The following RYR2 variants were observed in gnomAD, a reference collection of about 807,000 sequenced individuals.
The protein encoded by RYR2 is ryanodine receptor 2, also known as cardiac muscle ryanodine receptor-calcium release channel.
RYR2 carries 227 observed loss-of-function variants against 601.1 expected under a neutral mutation model. That is an observed-to-expected ratio of 0.38 (90% CI 0.34 to 0.42). RYR2 has a LOEUF of 0.42. Among genes scored for constraint, RYR2 ranks in the 10% least tolerant of loss-of-function variants. The pLI is 1.00. For synonymous variants in RYR2, 2,223 were observed against 2,175.1 expected (o/e 1.02, Z -0.61); for missense variants, 4,646 against 6,156.5 (o/e 0.75, Z 8.21).
At chr1:237,383,339 A>G (rs901217300) in intron 8 of RYR2, among the ~76,000 whole-genome samples, 3 of 151,396 alleles carry the variant, frequency 2.0e-5, no homozygotes, top group Non-Finnish European at 4.4e-5. Flanking sequence ...CTCTTGGATC[A>G]GCAGTCTTGA....
intron 1 of RYR2, among the ~76,000 whole-genome samples, chr1:237,048,766 G>C (rs992051777): frequency 1.4e-4 from 22 of 152,140 alleles, no homozygotes; most frequent in Admixed American, 1.4e-3. Flanking sequence ...ACCGTGTTGG[G>C]CATCGGTTTC....
At chr1:237,512,400 T>C (rs892012529) in intron 24 of RYR2, among the ~76,000 whole-genome samples, 2 of 152,344 alleles carry the variant, frequency 1.3e-5, no homozygotes, top group African/African-American at 2.4e-5. Flanking sequence ...TAAAAGATGC[T>C]AAATTCAAAG....
At chr1:237,549,235 C>T (rs1670129422) in intron 26 of RYR2, among the ~76,000 whole-genome samples, 1 of 152,082 alleles carries the variant, frequency 6.6e-6, no homozygotes, top group Admixed American at 6.5e-5. Flanking sequence ...ATTAGGTATT[C>T]AGTACAAATT....
At chr1:237,622,251 G>A (rs769204697) in intron 38 of RYR2, among the ~76,000 whole-genome samples, 3 of 152,154 alleles carry the variant, frequency 2.0e-5, no homozygotes, top group Admixed American at 6.6e-5. Context: ...AAAGTTTCCC[G>A]CAGTTTAACT....
At chr1:237,255,838 AGTGTGTGTGTGTGT>A (rs4006354) in intron 1 of RYR2, among the ~76,000 whole-genome samples, 1 of 142,860 alleles carries the variant, frequency 7.0e-6, no homozygotes, top group Non-Finnish European at 1.5e-5. Context: ...TTGCTATACC[AGTGTGTGTGTGTGT>A]GTGTGTGTGT....
At chr1:237,524,934 T>G (rs1667425799) in intron 24 of RYR2, among the ~76,000 whole-genome samples, 1 of 152,130 alleles carries the variant, frequency 6.6e-6, no homozygotes, top group Non-Finnish European at 1.5e-5. Context: ...AGTATTTAAT[T>G]TTAGAATCAG....
intron 10 of RYR2, among the ~76,000 whole-genome samples, chr1:237,396,557 C>T (rs1022571596): frequency 2.0e-5 from 3 of 152,166 alleles, no homozygotes; most frequent in Non-Finnish European, 4.4e-5. Flanking sequence ...AGCCAGCAGT[C>T]CCTGTGTTTC....
Position 237,180,690 on chromosome 1 carries a change from GTATA to G in RYR2, c.49-89802_49-89799del, listed in dbSNP as rs1157283716. Among the ~76,000 whole-genome samples the G allele has an allele frequency of 3.3e-5, 2 of 60,506 alleles. No individual in the cohort carries two copies. The highest frequency in any genetic ancestry group is 1.8e-4 in the Admixed American group (1 of 5,622). The allele number at this position is 60,506 out of a possible 152,430, so 39.7% of individuals were successfully genotyped here. ...TACATGTGTATATATGTGTATATAT[GTATA>G]TATAAGTATATATACACATATATAC... On this transcript the variant is annotated intron_variant, in intron 1 of 104. Transcript: ENST00000366574. This position sits in a 1 kb window ranked among gnomAD's most constrained non-coding sequence, Gnocchi z 5.3.
intron 1 of RYR2, among the ~76,000 whole-genome samples, chr1:237,062,572 T>A (rs1464248888): frequency 6.6e-6 from 1 of 152,202 alleles, no homozygotes; most frequent in Non-Finnish European, 1.5e-5. Context: ...TGACCTTGTA[T>A]CTAGTAACCT....
intron 84 of RYR2, among the ~76,000 whole-genome samples, chr1:237,763,175 A>C (rs1693565825): frequency 6.6e-6 from 1 of 152,226 alleles, no homozygotes; most frequent in South Asian, 2.1e-4. Flanking sequence ...CATTTCAATT[A>C]CATTTTCGGA....
intron 1 of RYR2, among the ~76,000 whole-genome samples, chr1:237,135,387 T>G (rs1672656267): frequency 6.6e-6 from 1 of 151,894 alleles, no homozygotes; most frequent in South Asian, 2.1e-4. Context: ...TTTTTTTTTT[T>G]GATACAGAGT....
At chr1:237,159,842 A>G (rs1438216953) in intron 1 of RYR2, among the ~76,000 whole-genome samples, 2 of 152,222 alleles carry the variant, frequency 1.3e-5, no homozygotes, top group Non-Finnish European at 2.9e-5. Context: ...GCCTATATTA[A>G]TCACCATCTC....
At chr1:237,515,911 TTCTCCC>T (rs144903918) in intron 24 of RYR2, among the ~76,000 whole-genome samples, 2,379 of 146,458 alleles carry the variant, frequency 0.016, 65 homozygotes, top group African/African-American at 0.05. Context: ...CTTCTCCCTC[TTCTCCC>T]TCTCCCTCTT....
intron 12 of RYR2, among the ~76,000 whole-genome samples, chr1:237,435,643 C>A (rs1201876262): frequency 6.6e-6 from 1 of 152,130 alleles, no homozygotes; most frequent in African/African-American, 2.4e-5. Context: ...AGAATGAACC[C>A]ATTGAAGCCT....
intron 2 of RYR2, among the ~76,000 whole-genome samples, chr1:237,308,671 A>AC (rs1191116088): frequency 1.3e-5 from 2 of 152,114 alleles, no homozygotes; most frequent in Non-Finnish European, 2.9e-5. Context: ...AAAGCTGAGG[A>AC]CCTTAGCGGT....
chr1:237,656,338 T>G (rs542800583), intron 53 of RYR2, among the ~76,000 whole-genome samples: 1 of 152,098 alleles, frequency 6.6e-6, no homozygotes, highest in Non-Finnish European at 1.5e-5. Flanking sequence ...TTACTTAGGA[T>G]GTACCCAGCA....
intron 1 of RYR2, among the ~76,000 whole-genome samples, chr1:237,244,942 C>A (rs1686646310): frequency 6.6e-6 from 1 of 152,150 alleles, no homozygotes. Context: ...AATGTTTAAT[C>A]ACTCACTGTT....
intron 1 of RYR2, among the ~76,000 whole-genome samples, chr1:237,110,601 G>A (rs1669362821): frequency 6.6e-6 from 1 of 152,146 alleles, no homozygotes; most frequent in Admixed American, 6.5e-5. Context: ...GGATGCTGAT[G>A]CCTCTGGTTT....
chr1:237,775,954 T>A (rs1037390386), intron 87 of RYR2, among the ~76,000 whole-genome samples: 2 of 152,192 alleles, frequency 1.3e-5, no homozygotes, highest in African/African-American at 4.8e-5. Flanking sequence ...ACTTTGGCTT[T>A]GGGCTTGCAA....
Sources: gnomAD v4.1 joint callset for allele counts (sites outside exome capture counted in the v4.1 genomes callset) on GRCh38, gnomAD v4.1.1 for gene constraint, Gnocchi (gnomAD v3.1) non-coding constraint, MANE v1.5 for transcripts, NCBI Gene and HGNC (gene_info 2026-07-23, HGNC 2026-07-21) for gene names.